The following IMPG2 variants were observed in gnomAD, a reference collection of about 807,000 sequenced individuals.
IMPG2 encodes IPM 200.
IMPG2 carries 91 observed loss-of-function variants against 129.2 expected under a neutral mutation model. The ratio of observed to expected loss-of-function variants is 0.70; its 90% CI spans 0.59 to 0.84. The LOEUF is 0.84. IMPG2 is among the 40% of genes least tolerant of loss of function. The pLI, the probability that IMPG2 is intolerant of heterozygous loss-of-function variation, is 0.00. For synonymous variants in IMPG2, 510 were observed against 517.7 expected (o/e 0.99, Z 0.20); for missense variants, 1,430 against 1,461.7 (o/e 0.98, Z 0.35).
At chr3:101,293,221 A>C (rs1707040807) in intron 3 of IMPG2, among the ~76,000 whole-genome samples, 1 of 152,184 alleles carries the variant, frequency 6.6e-6, no homozygotes, top group East Asian at 1.9e-4. Flanking sequence ...CAGCTGTATG[A>C]AAAGTATTTC....
chr3:101,266,854 T>C (rs980176266), intron 9 of IMPG2, among the ~76,000 whole-genome samples: 2 of 152,180 alleles, frequency 1.3e-5, no homozygotes, highest in African/African-American at 4.8e-5. Flanking sequence ...TTTCTGGAGG[T>C]TAAGCTGGCC....
intron 18 of IMPG2, 98 bp from the exon 19 acceptor site, chr3:101,227,079 C>G (rs754725131): frequency 1.2e-5 from 16 of 1,284,576 alleles, no homozygotes; most frequent in African/African-American, 4.4e-5. Context: ...CTCCTAAAAT[C>G]ATGAATACTT....
intron 11 of IMPG2, among the ~76,000 whole-genome samples, chr3:101,251,480 A>T (rs893942200): frequency 5.5e-4 from 84 of 152,214 alleles, no homozygotes; most frequent in African/African-American, 1.9e-3. Context: ...CCCTTCATTA[A>T]TTTTTCTATC....
At chr3:101,313,826 T>C (rs1240407364) in intron 2 of IMPG2, among the ~76,000 whole-genome samples, 1 of 152,106 alleles carries the variant, frequency 6.6e-6, no homozygotes, top group East Asian at 1.9e-4. Context: ...TAATTATCTA[T>C]GTAGAAAGCC....
rs1706199712 is a variant in IMPG2 at position 101,224,419 on chromosome 3, T to C, written c.*2550A>G. On this transcript the variant is annotated 3_prime_UTR_variant, in exon 19 of 19. Transcript: ENST00000193391. ...ATTTTAGTATTTTCACATAAGGTGA[T>C]AGTCTTGTTGAATATTATATTGCTA... 2 of 152,256 alleles carry C rather than the reference T, an allele frequency of 1.3e-5. No homozygotes were observed. The highest frequency in any genetic ancestry group is 2.9e-5 in the Non-Finnish European group (2 of 68,040). 9.4% of individuals were successfully genotyped at this position (152,256 alleles called of 1,614,324 possible).
In IMPG2 at chr3:101,276,726, AT is replaced by A. The variant is rs754602295; in HGVS notation, c.534-14del. On this transcript the variant is annotated splice_polypyrimidine_tract_variant and intron_variant, in intron 4 of 18. Transcript: ENST00000193391. ...AGACAGTTCAGAGCTAGAAAAAAAA[AT>A]GTTTGCAGTTAATAAAATGACAGAC... The A allele has an allele frequency of 1.0e-5, 16 of 1,602,264 alleles. No individual in the cohort carries two copies. The highest frequency in any genetic ancestry group is 1.4e-5 in the Non-Finnish European group (16 of 1,169,966).
intron 3 of IMPG2, among the ~76,000 whole-genome samples, chr3:101,303,921 T>C (rs745613649): frequency 3.9e-5 from 6 of 152,180 alleles, no homozygotes; most frequent in Non-Finnish European, 8.8e-5. Flanking sequence ...GTCTTCTTTT[T>C]CTTTTTGTGG....
chr3:101,275,882 C>T (rs1706835593), intron 5 of IMPG2, 137 bp from the exon 6 acceptor site: 1 of 703,018 alleles, frequency 1.4e-6, no homozygotes, highest in Admixed American at 2.0e-5. Context: ...TCGGTGCATT[C>T]TAACCTCAGG....
chr3:101,283,091 C>T (rs929704803), intron 4 of IMPG2, among the ~76,000 whole-genome samples: 2 of 152,144 alleles, frequency 1.3e-5, no homozygotes, highest in African/African-American at 2.4e-5. Context: ...GGCGCAATCT[C>T]GGCTCACTGC....
chr3:101,246,180 C>T, intron 11 of IMPG2, 75 bp from the exon 12 acceptor site: 1 of 1,407,802 alleles, frequency 7.1e-7, no homozygotes, highest in East Asian at 2.3e-5. Context: ...TACCACCTAT[C>T]TGTCTATATT....
In IMPG2 at chr3:101,275,711, G is replaced by A. The variant is rs746975626; in HGVS notation, c.618C>T (p.Asp206=). The part of the protein sequence containing the change: ...TTLSVPHPEV[D]AYEGASESSL... ...TGCTCTCTGAGGCACCTTCATAGGC[G>A]TCCACCTCTGGATGTGGAACACTGA... The change falls in exon 6 of 19, where the codon GAC becomes GAT. Residue 206 remains aspartate, a synonymous_variant. Coordinates refer to ENST00000193391, the MANE Select transcript of IMPG2 (RefSeq NM_016247.4). 30 of 1,613,764 alleles carry A rather than the reference G, an allele frequency of 1.9e-5. No individual in the cohort carries two copies. The highest frequency in any genetic ancestry group is 6.6e-5 in the South Asian group (6 of 91,066).
chr3:101,287,795 A>G (rs922163534), intron 4 of IMPG2, among the ~76,000 whole-genome samples: 1 of 152,190 alleles, frequency 6.6e-6, no homozygotes, highest in African/African-American at 2.4e-5. Flanking sequence ...ATTCTAGAAG[A>G]AAACTTAGAA....
At chr3:101,295,294 A>G (rs1707067096) in intron 3 of IMPG2, among the ~76,000 whole-genome samples, 2 of 152,246 alleles carry the variant, frequency 1.3e-5, no homozygotes, top group African/African-American at 2.4e-5. Flanking sequence ...AGTTTTCTGC[A>G]TATGGCTAAC....
intron 10 of IMPG2, among the ~76,000 whole-genome samples, chr3:101,254,278 A>G (rs984769886): frequency 6.6e-6 from 1 of 152,136 alleles, no homozygotes; most frequent in Non-Finnish European, 1.5e-5. Flanking sequence ...CATAGAGAGT[A>G]GATTATATCA....
intron 11 of IMPG2, among the ~76,000 whole-genome samples, chr3:101,250,478 G>A (rs1706532240): frequency 6.6e-6 from 1 of 152,040 alleles, no homozygotes; most frequent in South Asian, 2.1e-4. Flanking sequence ...ACACTTAGAA[G>A]GACTCAAGAA....
chr3:101,252,124 G>A (rs1225250194), intron 11 of IMPG2, among the ~76,000 whole-genome samples: 1 of 151,570 alleles, frequency 6.6e-6, no homozygotes, highest in African/African-American at 2.4e-5. Flanking sequence ...TCATTAAGCG[G>A]CAGCCACAAG....
intron 4 of IMPG2, among the ~76,000 whole-genome samples, chr3:101,284,461 CTCAT>C (rs1180342412): frequency 6.6e-6 from 1 of 151,978 alleles, no homozygotes; most frequent in South Asian, 2.1e-4. Context: ...GTAAAAGAGA[CTCAT>C]TGTTTTAATG....
At chr3:101,298,221 C>T (rs1269446052) in intron 3 of IMPG2, among the ~76,000 whole-genome samples, 1 of 151,770 alleles carries the variant, frequency 6.6e-6, no homozygotes, top group Non-Finnish European at 1.5e-5. Flanking sequence ...GGATTGCAAC[C>T]CCTGCTTTTT....
Position 101,245,846 on chromosome 3 carries a change from A to T in IMPG2, c.1499T>A (p.Val500Glu), listed in dbSNP as rs754512012. Reference protein sequence around the residue: ...TPAVLQTGLPVASEERTSGSH... With the variant: ...TPAVLQTGLPEASEERTSGSH... ...TCCAGAAGTCCTTTCCTCAGAAGCC[A>T]CAGGCAAGCCAGTCTGAAGCACTGC... Residue 500 changes from valine to glutamate, a missense_variant, in exon 12 of 19, where the codon GTG (valine) becomes GAG (glutamate). Physicochemically the swap from Val to Glu is moderately radical, Grantham distance 121 (BLOSUM62 -2). Transcript: ENST00000193391. 1 of 1,614,210 alleles carries T rather than the reference A, an allele frequency of 6.2e-7. No homozygotes were observed. The highest frequency in any genetic ancestry group is 1.1e-5 in the South Asian group (1 of 91,090).
Sources: gnomAD v4.1 joint callset for allele counts (sites outside exome capture counted in the v4.1 genomes callset) on GRCh38, gnomAD v4.1.1 for gene constraint, MANE v1.5 for transcripts, NCBI Gene and HGNC (gene_info 2026-07-23, HGNC 2026-07-21) for gene names.